Variants in ZNF385D observed in about 807,000 individuals in gnomAD.
ZNF385D encodes the protein zinc finger protein 659.
In ZNF385D, 15 loss-of-function variants were observed where a neutral mutation model predicts 35.8. The ratio of observed to expected loss-of-function variants is 0.42; its 90% confidence interval spans 0.28 to 0.64. The LOEUF is 0.64. ZNF385D is among the 30% of genes least tolerant of loss of function. ZNF385D has a pLI of 0.23. For missense variants in ZNF385D, 474 were observed against 494.6 expected (o/e 0.96, Z 0.39); for synonymous variants, 212 against 186.8 (o/e 1.13, Z -1.10).
chr3:22,271,674 A>T (rs1701184705), intron 2 of ZNF385D, among the ~76,000 whole-genome samples: 1 of 151,860 alleles, frequency 6.6e-6, no homozygotes, highest in Non-Finnish European at 1.5e-5. Context: ...TTTAAGCTTA[A>T]AAAACTCCCC....
At chr3:21,497,414 A>G (rs1303037726) in intron 4 of ZNF385D, among the ~76,000 whole-genome samples, 1 of 152,206 alleles carries the variant, frequency 6.6e-6, no homozygotes, top group Non-Finnish European at 1.5e-5. Flanking sequence ...ACAAATGAAA[A>G]AACACTCCAT....
chr3:22,045,217 T>C (rs768123136), intron 3 of ZNF385D, among the ~76,000 whole-genome samples: 7 of 152,172 alleles, frequency 4.6e-5, no homozygotes, highest in Admixed American at 1.3e-4. Context: ...AGTAGTTTTA[T>C]AGATCCAGGT....
intron 2 of ZNF385D, among the ~76,000 whole-genome samples, chr3:22,292,222 A>G (rs147225943): frequency 2.6e-5 from 4 of 152,206 alleles, no homozygotes; most frequent in African/African-American, 4.8e-5. Context: ...ATTTTTTAAA[A>G]AAGAAATATA....
chr3:21,599,542 C>T (rs1361350667), intron 2 of ZNF385D, among the ~76,000 whole-genome samples: 1 of 152,130 alleles, frequency 6.6e-6, no homozygotes, highest in Non-Finnish European at 1.5e-5. Context: ...TGACTATAAT[C>T]GTGATCCATA....
chr3:22,351,249 G>A (rs956120309), intron 2 of ZNF385D, among the ~76,000 whole-genome samples: 3 of 152,066 alleles, frequency 2.0e-5, no homozygotes, highest in Non-Finnish European at 4.4e-5. Context: ...AAATGAATAT[G>A]CTGCATTCTA....
At chr3:22,263,406 T>G (rs1351605896) in intron 2 of ZNF385D, among the ~76,000 whole-genome samples, 1 of 152,052 alleles carries the variant, frequency 6.6e-6, no homozygotes, top group Non-Finnish European at 1.5e-5. Context: ...TTTTCCTTTA[T>G]GTCTTTGCTC....
intron 3 of ZNF385D, among the ~76,000 whole-genome samples, chr3:21,794,460 C>T (rs763808978): frequency 3.3e-5 from 5 of 152,090 alleles, no homozygotes; most frequent in South Asian, 2.1e-4. Context: ...CAACAAAACA[C>T]CATAGACTGG....
intron 3 of ZNF385D, among the ~76,000 whole-genome samples, chr3:21,884,589 C>A (rs1698445302): frequency 6.6e-6 from 1 of 152,000 alleles, no homozygotes; most frequent in Non-Finnish European, 1.5e-5. Flanking sequence ...CATATCCTTG[C>A]AATTATACTA....
chr3:21,841,128 G>A (rs1455665575), intron 3 of ZNF385D, among the ~76,000 whole-genome samples: 2 of 152,044 alleles, frequency 1.3e-5, no homozygotes, highest in Admixed American at 6.6e-5. Flanking sequence ...GAGCAATGAT[G>A]GCACCTACTA....
At chr3:22,118,078 G>A (rs915549897) in intron 3 of ZNF385D, among the ~76,000 whole-genome samples, 2 of 151,930 alleles carry the variant, frequency 1.3e-5, no homozygotes, top group African/African-American at 2.4e-5. Flanking sequence ...GCAGAATATC[G>A]CTTTTATGAA....
chr3:22,341,639 C>T (rs934435537), intron 2 of ZNF385D, among the ~76,000 whole-genome samples: 21 of 152,172 alleles, frequency 1.4e-4, no homozygotes, highest in Admixed American at 8.5e-4. Flanking sequence ...CACTATAAAA[C>T]GTAAATGCCA....
chr3:22,152,514 G>A (rs895473126), intron 3 of ZNF385D, among the ~76,000 whole-genome samples: 12 of 152,128 alleles, frequency 7.9e-5, no homozygotes, highest in African/African-American at 2.4e-4. Context: ...GGCTGTAAGG[G>A]AAGAATCTGT....
At chr3:22,265,580 T>C (rs1178658332) in intron 2 of ZNF385D, among the ~76,000 whole-genome samples, 10 of 151,874 alleles carry the variant, frequency 6.6e-5, no homozygotes, top group Admixed American at 5.9e-4. Context: ...ACACACGCTA[T>C]CAAATCAATT....
intron 2 of ZNF385D, among the ~76,000 whole-genome samples, chr3:22,338,224 G>A (rs576030070): frequency 9.2e-5 from 14 of 152,258 alleles, no homozygotes; most frequent in African/African-American, 2.6e-4. Flanking sequence ...ATACTTCGGT[G>A]CAGACTTAGT....
chr3:22,220,141 G>C (rs1698164658), intron 2 of ZNF385D, among the ~76,000 whole-genome samples: 1 of 149,916 alleles, frequency 6.7e-6, no homozygotes, highest in South Asian at 2.1e-4. Flanking sequence ...ATGGCTCACT[G>C]TAGCCTCAAC....
chr3:22,196,310 T>C (rs545226423), intron 2 of ZNF385D, among the ~76,000 whole-genome samples: 1 of 152,212 alleles, frequency 6.6e-6, no homozygotes, highest in Admixed American at 6.6e-5. Context: ...TTTCACAGAA[T>C]ATTCTTTGTC....
chr3:21,786,387 G>A (rs1055652393), intron 3 of ZNF385D, among the ~76,000 whole-genome samples: 1 of 152,042 alleles, frequency 6.6e-6, no homozygotes, highest in African/African-American at 2.4e-5. Flanking sequence ...AGGGAAGTCG[G>A]CATTTTTTTT....
intron 2 of ZNF385D, among the ~76,000 whole-genome samples, chr3:22,203,984 G>A (rs139816930): frequency 2.4e-4 from 36 of 152,182 alleles, no homozygotes; most frequent in Non-Finnish European, 4.4e-4. Flanking sequence ...AGGGCTCTGA[G>A]CAAACATAGG....
At chr3:22,251,283 A>T (rs1235787753) in intron 2 of ZNF385D, among the ~76,000 whole-genome samples, 1 of 152,112 alleles carries the variant, frequency 6.6e-6, no homozygotes, top group Non-Finnish European at 1.5e-5. Flanking sequence ...TCCCTCAACA[A>T]TTTAAGATGA....
Sources: allele counts gnomAD v4.1 joint callset (sites outside exome capture counted in the v4.1 genomes callset), GRCh38; gene constraint gnomAD v4.1.1; transcripts MANE v1.5; gene names NCBI Gene and HGNC (gene_info 2026-07-23, HGNC 2026-07-21).